Variants in CNTLN observed in about 807,000 individuals in gnomAD.
CNTLN encodes the protein centlein, also known as centlein, centrosomal protein.
In CNTLN, 212 loss-of-function variants were observed where a neutral mutation model predicts 180.0. The ratio of observed to expected loss-of-function variants is 1.18; its 90% confidence interval spans 1.05 to 1.32. The LOEUF is 1.32. Ranked by LOEUF, CNTLN falls within the 40% of genes most tolerant of loss-of-function variation. CNTLN has a pLI of 0.00. For synonymous variants in CNTLN, 722 were observed against 563.1 expected (o/e 1.28, Z -3.99); for missense variants, 2,095 against 1,610.9 (o/e 1.30, Z -5.14).
At chr9:17,267,495 G>A (rs1017701242) in intron 5 of CNTLN, among the ~76,000 whole-genome samples, 2 of 151,926 alleles carry the variant, frequency 1.3e-5, no homozygotes, top group African/African-American at 4.8e-5. Context: ...TTCAACTTTG[G>A]TGAATCTGAC....
intron 25 of CNTLN, among the ~76,000 whole-genome samples, chr9:17,499,188 C>G (rs181500269): frequency 6.6e-5 from 10 of 152,262 alleles, no homozygotes; most frequent in Non-Finnish European, 2.9e-5. Context: ...CTAACTCTAA[C>G]CAACCTAGAG....
At chr9:17,261,105 T>G (rs1826937594) in intron 5 of CNTLN, among the ~76,000 whole-genome samples, 1 of 151,618 alleles carries the variant, frequency 6.6e-6, no homozygotes, top group African/African-American at 2.4e-5. Context: ...TGAGGTTGGA[T>G]AATGTGATGC....
chr9:17,376,134 C>G (rs892326270), intron 13 of CNTLN, among the ~76,000 whole-genome samples: 16 of 152,216 alleles, frequency 1.1e-4, no homozygotes, highest in African/African-American at 3.9e-4. Context: ...ATATTTCAAG[C>G]TTATCTCTTT....
At chr9:17,192,357 G>C (rs1273751113) in intron 2 of CNTLN, among the ~76,000 whole-genome samples, 2 of 151,320 alleles carry the variant, frequency 1.3e-5, no homozygotes, top group African/African-American at 2.4e-5. Context: ...ACCTGCTTCA[G>C]CCTCCTGAGT....
intron 13 of CNTLN, among the ~76,000 whole-genome samples, chr9:17,381,064 G>T (rs902168646): frequency 1.3e-5 from 2 of 152,216 alleles, no homozygotes; most frequent in Admixed American, 6.5e-5. Flanking sequence ...TACTGTCAGT[G>T]TTAGTTTCTA....
intron 2 of CNTLN, among the ~76,000 whole-genome samples, chr9:17,164,258 G>T (rs1312130099): frequency 7.0e-6 from 1 of 142,528 alleles, no homozygotes; most frequent in Non-Finnish European, 1.5e-5. Context: ...GTTGCAGTGA[G>T]CCAAGATTGC....
intron 6 of CNTLN, among the ~76,000 whole-genome samples, chr9:17,278,632 C>G (rs532570962): frequency 6.6e-6 from 1 of 152,014 alleles, no homozygotes; most frequent in Non-Finnish European, 1.5e-5. Context: ...TACTGTACAG[C>G]TTTTTTGGTG....
the CNTLN span, among the ~76,000 whole-genome samples, chr9:17,525,252 T>C: frequency 6.6e-6 from 1 of 152,110 alleles, no homozygotes; most frequent in East Asian, 1.9e-4. Flanking sequence ...AAAAAAAACC[T>C]TTCAGTCATT....
Position 17,462,997 on chromosome 9 carries a change from A to G in CNTLN, c.3388A>G (p.Lys1130Glu). Residue 1130 changes from lysine to glutamate, a missense_variant, in exon 20 of 26, where the codon AAG becomes GAG. By Grantham distance (56) the Lys-to-Glu change is moderately conservative. Coordinates refer to ENST00000380647, the MANE Select transcript of CNTLN (RefSeq NM_017738.4). ...ACTCCTAGCAAAAGAAGAACACATA[A>G]AGGAAATGCATGAAAAGTATGGTTT... ...FELLAKEEHIKEMHEKISRME... is the reference protein window; with the variant it reads ...FELLAKEEHIEEMHEKISRME... 1 of 1,580,944 alleles carries G rather than the reference A, an allele frequency of 6.3e-7. No homozygotes were observed. The highest frequency in any genetic ancestry group is 8.6e-7 in the Non-Finnish European group (1 of 1,164,370).
At chr9:17,148,812 T>A (rs1294223811) in intron 2 of CNTLN, among the ~76,000 whole-genome samples, 2 of 152,156 alleles carry the variant, frequency 1.3e-5, no homozygotes, top group East Asian at 1.9e-4. Flanking sequence ...GCCACAATAA[T>A]TTTTTTATTT....
At chr9:17,285,154 C>T (rs1354880103) in intron 6 of CNTLN, among the ~76,000 whole-genome samples, 3 of 112,218 alleles carry the variant, frequency 2.7e-5, no homozygotes, top group Non-Finnish European at 3.6e-5. Context: ...TCCCTCCCCC[C>T]TCCCCCCACC....
chr9:17,151,554 T>C (rs1286940623), intron 2 of CNTLN, among the ~76,000 whole-genome samples: 2 of 152,184 alleles, frequency 1.3e-5, no homozygotes, highest in Admixed American at 1.3e-4. Flanking sequence ...CTGCTGGATT[T>C]GGTTTGCCAC....
intron 2 of CNTLN, among the ~76,000 whole-genome samples, chr9:17,217,718 A>G (rs979272253): frequency 6.6e-6 from 1 of 152,220 alleles, no homozygotes; most frequent in African/African-American, 2.4e-5. Flanking sequence ...TATAATACAC[A>G]ATCTTTTCCT....
chr9:17,299,540 C>G, intron 7 of CNTLN: 1 of 985,172 alleles, frequency 1.0e-6, no homozygotes, highest in Non-Finnish European at 1.2e-6. Flanking sequence ...TTAAATGATG[C>G]TTTGTAACAG....
chr9:17,250,366 G>C (rs560149819), intron 5 of CNTLN, among the ~76,000 whole-genome samples: 3 of 151,814 alleles, frequency 2.0e-5, no homozygotes, highest in Non-Finnish European at 4.4e-5. Context: ...TATATTTAGA[G>C]AAATTATTAA....
At chr9:17,312,364 T>TAATATATATATATATATAA (rs369729227) in intron 8 of CNTLN, among the ~76,000 whole-genome samples, 1 of 20,186 alleles carries the variant, frequency 5.0e-5, no homozygotes, top group African/African-American at 1.1e-4. Context: ...TATATATATA[T>TAATATATATATATATATAA]TATATATATA....
In CNTLN at chr9:17,342,526, C is replaced by T. The variant is rs955268499; in HGVS notation, c.1886+82C>T. 19 of 1,224,392 alleles carry T rather than the reference C, an allele frequency of 1.6e-5. No individual in the cohort carries two copies. In the South Asian group the frequency reaches 2.6e-4, roughly 17 times the overall value. The allele number at this position is 1,224,392 out of a possible 1,614,324, so 75.8% of individuals were successfully genotyped here. A position where few individuals can be genotyped will look rare whatever the true frequency, so the allele number is the denominator to read the frequency against. On this transcript the variant is annotated intron_variant, in intron 12 of 25. Coordinates refer to ENST00000380647, the MANE Select transcript of CNTLN (RefSeq NM_017738.4). ...CATGGCTTAAAAGCTATTAAAGAAA[C>T]ACTTTATAAAATTTGAAATAATCTG...
At chr9:17,379,097 G>C (rs1474454719) in intron 13 of CNTLN, among the ~76,000 whole-genome samples, 2 of 151,638 alleles carry the variant, frequency 1.3e-5, no homozygotes, top group Admixed American at 1.3e-4. Flanking sequence ...GTCTTCTGGT[G>C]TGAATTGTTT....
chr9:17,251,961 C>G (rs1587342463), intron 5 of CNTLN, among the ~76,000 whole-genome samples: 1 of 151,802 alleles, frequency 6.6e-6, no homozygotes, highest in Non-Finnish European at 1.5e-5. Flanking sequence ...AGGTTTTTAG[C>G]TTACAGATGT....
Sources: gnomAD v4.1 joint callset for allele counts (sites outside exome capture counted in the v4.1 genomes callset) on GRCh38, gnomAD v4.1.1 for gene constraint, MANE v1.5 for transcripts, NCBI Gene and HGNC (gene_info 2026-07-23, HGNC 2026-07-21) for gene names.